TOX3: variants seen among roughly 807,000 people sequenced by gnomAD.
TOX3 encodes TOX high mobility group box family member 3, also known as CAG trinucleotide repeat-containing gene F9 protein.
In TOX3, 22 loss-of-function variants were observed where a neutral mutation model predicts 64.3. The ratio of observed to expected loss-of-function variants is 0.34; its 90% CI spans 0.24 to 0.49. TOX3 has a LOEUF of 0.49. Ranked by LOEUF, TOX3 falls within the 20% of genes least tolerant of loss-of-function variation. TOX3 has a pLI of 0.99. For missense variants in TOX3, 661 were observed against 714.4 expected (o/e 0.93, Z 0.85); for synonymous variants, 291 against 273.6 (o/e 1.06, Z -0.63).
chr16:52,524,069 T>C (rs540067305), intron 1 of TOX3, among the ~76,000 whole-genome samples: 1 of 152,348 alleles, frequency 6.6e-6, no homozygotes, highest in South Asian at 2.1e-4. Flanking sequence ...TCTTTCTGCA[T>C]TTACTTAGTG....
Position 52,464,111 on chromosome 16 carries a change from A to G in TOX3, c.231T>C (p.Pro77=). ...GCAGTACATCCGGCATGCCTAGGGC[A>G]GGGTCTGACTCTGGAGGAGGCGTGA... is the stretch of plus-strand genomic sequence containing the variant. ...PPITPPPESD[P]ALGMPDVLLP... is the part of the protein sequence containing the mutation. The change falls in exon 3 of 7, where the codon CCT becomes CCC. Residue 77 remains proline (P), a synonymous_variant. Transcript: ENST00000219746. 2 of 1,596,890 alleles carry G rather than the reference A, an allele frequency of 1.3e-6. No homozygotes were observed. The highest frequency in any genetic ancestry group is 1.7e-6 in the Non-Finnish European group (2 of 1,171,544).
At chr16:52,481,097 T>C (rs1961358530) in intron 1 of TOX3, among the ~76,000 whole-genome samples, 1 of 152,196 alleles carries the variant, frequency 6.6e-6, no homozygotes, top group South Asian at 2.1e-4. Context: ...ACATTAAACA[T>C]AAATTCGAGA....
At chr16:52,452,235 T>C (rs1960372548) in intron 3 of TOX3, among the ~76,000 whole-genome samples, 1 of 152,174 alleles carries the variant, frequency 6.6e-6, no homozygotes, top group Non-Finnish European at 1.5e-5. Context: ...GGGGAGAGTT[T>C]CAACTTTTTC....
intron 6 of TOX3, among the ~76,000 whole-genome samples, chr16:52,440,492 G>A (rs925564075): frequency 6.6e-6 from 1 of 152,142 alleles, no homozygotes; most frequent in Non-Finnish European, 1.5e-5. Flanking sequence ...TTGAGCTTTG[G>A]GGATGGTTGT....
chr16:52,509,612 A>T (rs1962247887), intron 1 of TOX3, among the ~76,000 whole-genome samples: 1 of 152,182 alleles, frequency 6.6e-6, no homozygotes, highest in Non-Finnish European at 1.5e-5. Flanking sequence ...AAGACAGAGA[A>T]TCTCATATTA....
chr16:52,542,805 G>A (rs1963104627), intron 1 of TOX3, among the ~76,000 whole-genome samples: 1 of 152,108 alleles, frequency 6.6e-6, no homozygotes, highest in African/African-American at 2.4e-5. Flanking sequence ...CCCCCAATAT[G>A]TTCTCAATTT....
At chr16:52,486,911 G>A (rs867047059) in intron 1 of TOX3, among the ~76,000 whole-genome samples, 5 of 152,174 alleles carry the variant, frequency 3.3e-5, no homozygotes, top group African/African-American at 4.8e-5. Flanking sequence ...ACTCCAGCCT[G>A]AGCAACAAAG....
intron 1 of TOX3, among the ~76,000 whole-genome samples, chr16:52,511,323 C>T (rs1207270740): frequency 6.6e-6 from 1 of 152,120 alleles, no homozygotes; most frequent in South Asian, 2.1e-4. Flanking sequence ...GAAACCCTGT[C>T]TCTACTAAAA....
chr16:52,444,747 G>T (rs1960114133), intron 5 of TOX3: 2 of 159,224 alleles, frequency 1.3e-5, no homozygotes, highest in Non-Finnish European at 2.7e-5. Context: ...AGAAAATAAT[G>T]AGTTTCTCCA....
chr16:52,528,590 G>A (rs566913073), intron 1 of TOX3, among the ~76,000 whole-genome samples: 8 of 152,164 alleles, frequency 5.3e-5, no homozygotes, highest in Admixed American at 2.6e-4. Flanking sequence ...CGTGCCAGCC[G>A]GCCAACTGCT....
At chr16:52,444,564 C>T (rs1960109487) in intron 5 of TOX3, 1 of 398,364 alleles carries the variant, frequency 2.5e-6, no homozygotes, top group Non-Finnish European at 4.4e-6. Context: ...AACCCTGCCA[C>T]CCTCACTGGA....
At chr16:52,463,799 A>G in intron 3 of TOX3, 135 bp downstream of exon 3, 2 of 1,085,628 alleles carry the variant, frequency 1.8e-6, no homozygotes, top group South Asian at 5.8e-5. Context: ...GCGATCCAGT[A>G]CCTGCATGTA....
At chr16:52,510,922 C>G (rs1962292451) in intron 1 of TOX3, among the ~76,000 whole-genome samples, 1 of 152,078 alleles carries the variant, frequency 6.6e-6, no homozygotes, top group African/African-American at 2.4e-5. Flanking sequence ...TTGGATGCCA[C>G]TATGCTCTAT....
At chr16:52,536,190 G>A (rs560028838) in intron 1 of TOX3, among the ~76,000 whole-genome samples, 8 of 152,218 alleles carry the variant, frequency 5.3e-5, no homozygotes, top group African/African-American at 1.9e-4. Context: ...AGATCAACAA[G>A]AGCAGATGAA....
chr16:52,522,827 T>G (rs1202724373), intron 1 of TOX3, among the ~76,000 whole-genome samples: 1 of 152,200 alleles, frequency 6.6e-6, no homozygotes, highest in Non-Finnish European at 1.5e-5. Context: ...TGTTTGTTTG[T>G]TTTTTGTTTT....
intron 1 of TOX3, among the ~76,000 whole-genome samples, chr16:52,489,605 C>A (rs1012265349): frequency 1.4e-4 from 21 of 152,142 alleles, no homozygotes; most frequent in African/African-American, 4.8e-4. Context: ...CATCCTCTAA[C>A]AATTCATCAT....
chr16:52,482,636 G>A (rs1327365809), intron 1 of TOX3, among the ~76,000 whole-genome samples: 2 of 152,030 alleles, frequency 1.3e-5, no homozygotes, highest in Admixed American at 6.6e-5. Context: ...AGCATATTTG[G>A]AGAGAAAATT....
At chr16:52,539,853 T>G (rs1014194857) in intron 1 of TOX3, among the ~76,000 whole-genome samples, 10 of 152,148 alleles carry the variant, frequency 6.6e-5, no homozygotes, top group African/African-American at 2.4e-4. Context: ...CCCTCAATCG[T>G]TTCTGCTTCC....
chr16:52,532,356 A>T (rs1962869403), intron 1 of TOX3, among the ~76,000 whole-genome samples: 1 of 152,208 alleles, frequency 6.6e-6, no homozygotes, highest in Non-Finnish European at 1.5e-5. Flanking sequence ...GCCTGGACTC[A>T]AGGGTTCTTG....
Sources: allele counts gnomAD v4.1 joint callset (sites outside exome capture counted in the v4.1 genomes callset), GRCh38; gene constraint gnomAD v4.1.1; transcripts MANE v1.5; gene names NCBI Gene and HGNC (gene_info 2026-07-23, HGNC 2026-07-21).